Variants in AFF3 observed in about 807,000 individuals in gnomAD.
AFF3 encodes AF4/FMR2 family member 3.
In AFF3, 32 loss-of-function variants were observed where a neutral mutation model predicts 129.7. The ratio of observed to expected loss-of-function variants is 0.25; its 90% confidence interval spans 0.19 to 0.33. AFF3 has a LOEUF of 0.33. AFF3 is among the 10% of genes least tolerant of loss of function. The pLI is 1.00. For synonymous variants in AFF3, 644 were observed against 635.4 expected (o/e 1.01, Z -0.20); for missense variants, 1,373 against 1,592.0 (o/e 0.86, Z 2.34).
At chr2:99,731,988 G>A (rs1002774229) in intron 10 of AFF3, among the ~76,000 whole-genome samples, 1 of 152,094 alleles carries the variant, frequency 6.6e-6, no homozygotes, top group African/African-American at 2.4e-5. Context: ...CACCTTCCAG[G>A]CCAGGGATGG....
chr2:99,721,421 C>T (rs1304525824), intron 11 of AFF3, among the ~76,000 whole-genome samples: 1 of 151,412 alleles, frequency 6.6e-6, no homozygotes, highest in East Asian at 1.9e-4. Flanking sequence ...CCCAGCTACT[C>T]AGGAAGCTGA....
At chr2:99,569,494 T>G (rs114983210) in intron 18 of AFF3, among the ~76,000 whole-genome samples, 234 of 152,342 alleles carry the variant, frequency 1.5e-3, no homozygotes, top group African/African-American at 5.5e-3. Flanking sequence ...ATGTCTACCT[T>G]GTAACAATGC....
intron 2 of AFF3, among the ~76,000 whole-genome samples, chr2:100,123,877 AAAG>A (rs1321131727): frequency 1.3e-5 from 2 of 152,206 alleles, no homozygotes; most frequent in African/African-American, 4.8e-5. Context: ...TGGCAGCATG[AAAG>A]AAGAAGAAAC....
intron 15 of AFF3, among the ~76,000 whole-genome samples, chr2:99,592,798 T>G (rs1477720710): frequency 6.6e-6 from 1 of 152,064 alleles, no homozygotes; most frequent in Non-Finnish European, 1.5e-5. Flanking sequence ...TAGCTGGGCA[T>G]GGTGGTGGAC....
chr2:100,105,724 T>A (rs1386097410), intron 2 of AFF3, 141 bp from the exon 3 acceptor site: 2 of 1,362,234 alleles, frequency 1.5e-6, no homozygotes, highest in Non-Finnish European at 2.0e-6. Flanking sequence ...TACCTCTGCT[T>A]CTCCACAGTT....
At chr2:99,913,235 G>A (rs1372344906) in intron 7 of AFF3, among the ~76,000 whole-genome samples, 1 of 152,182 alleles carries the variant, frequency 6.6e-6, no homozygotes, top group Non-Finnish European at 1.5e-5. Flanking sequence ...CTAGATAGCA[G>A]CCTTGATTTT....
intron 4 of AFF3, among the ~76,000 whole-genome samples, chr2:100,072,562 C>A (rs1222237940): frequency 6.6e-6 from 1 of 152,152 alleles, no homozygotes; most frequent in African/African-American, 2.4e-5. Flanking sequence ...CGGGCTATAC[C>A]ATGAGCTAGC....
intron 7 of AFF3, among the ~76,000 whole-genome samples, chr2:99,914,827 G>A (rs1050424849): frequency 4.6e-5 from 7 of 152,072 alleles, no homozygotes; most frequent in Non-Finnish European, 8.8e-5. Context: ...GGCTGAGGCA[G>A]GAGAATCGCT....
At chr2:99,903,182 T>C (rs938112051) in intron 7 of AFF3, among the ~76,000 whole-genome samples, 2 of 152,212 alleles carry the variant, frequency 1.3e-5, no homozygotes, top group Non-Finnish European at 2.9e-5. Flanking sequence ...TACCACGTTG[T>C]GTGCCATTTA....
intron 7 of AFF3, among the ~76,000 whole-genome samples, chr2:99,897,618 G>A (rs1176530407): frequency 1.3e-5 from 2 of 152,156 alleles, no homozygotes; most frequent in Non-Finnish European, 2.9e-5. Context: ...CAAGGCCTCT[G>A]CTGAGGATTT....
intron 11 of AFF3, among the ~76,000 whole-genome samples, chr2:99,716,653 T>C (rs889282572): frequency 1.3e-5 from 2 of 151,682 alleles, no homozygotes; most frequent in East Asian, 1.9e-4. Flanking sequence ...GAGGCCAAGG[T>C]GGGCGGATCA....
intron 7 of AFF3, among the ~76,000 whole-genome samples, chr2:99,897,579 T>C (rs138038581): frequency 1.3e-5 from 2 of 152,260 alleles, no homozygotes; most frequent in Non-Finnish European, 2.9e-5. Context: ...AGACCACCTT[T>C]TCAAAACCCG....
intron 19 of AFF3, among the ~76,000 whole-genome samples, chr2:99,566,446 G>T (rs915147061): frequency 6.6e-6 from 1 of 152,196 alleles, no homozygotes; most frequent in Non-Finnish European, 1.5e-5. Flanking sequence ...GTTTTGGGAA[G>T]GTGAGGCAGG....
At chr2:99,983,037 G>A (rs1679551821) in intron 7 of AFF3, among the ~76,000 whole-genome samples, 1 of 152,194 alleles carries the variant, frequency 6.6e-6, no homozygotes. Flanking sequence ...TCCATACATA[G>A]TTTAATAAAG....
chr2:99,589,873 A>G (rs1678496990), intron 15 of AFF3, among the ~76,000 whole-genome samples: 1 of 152,206 alleles, frequency 6.6e-6, no homozygotes, highest in African/African-American at 2.4e-5. Flanking sequence ...AAAGCCCTCA[A>G]ATAGAAAACA....
At chr2:99,554,078 G>T (rs1377344819) in intron 24 of AFF3, among the ~76,000 whole-genome samples, 1 of 152,152 alleles carries the variant, frequency 6.6e-6, no homozygotes, top group Admixed American at 6.5e-5. Context: ...AATGGTTTGA[G>T]AAATCAGGAT....
chr2:99,603,476 C>G (rs984709265), intron 13 of AFF3, among the ~76,000 whole-genome samples: 1 of 152,106 alleles, frequency 6.6e-6, no homozygotes, highest in Non-Finnish European at 1.5e-5. Flanking sequence ...ATACAAAAAT[C>G]GACTCAAGAT....
intron 7 of AFF3, among the ~76,000 whole-genome samples, chr2:99,961,471 G>C (rs1442920042): frequency 6.6e-6 from 1 of 152,098 alleles, no homozygotes; most frequent in Non-Finnish European, 1.5e-5. Context: ...TTTCACTTTT[G>C]CCATTTTCCT....
rs373595459 is a variant in AFF3 at position 99,568,910 on chromosome 2, C to A, written c.2924G>T (p.Arg975Leu). 2.5e-6 allele frequency: 4 copies of A among 1,613,836 alleles called. No individual in the cohort carries two copies. The highest frequency in any genetic ancestry group is 2.7e-5 in the African/African-American group (2 of 74,912). ...RQKLVFDDMP[R>L]SADYFMQEAK... Reference sequence around the variant, plus strand: ...TTCTTGCATAAAATAATCGGCACTGCGAGGCCTACAAGGAGAGAATGATAT... The same window carrying A: ...TTCTTGCATAAAATAATCGGCACTGAGAGGCCTACAAGGAGAGAATGATAT... The change falls in exon 19 of 25, where the codon CGC becomes CTC. Residue 975 changes from arginine (R) to leucine (L), a missense_variant. Arg to Leu is a moderately radical substitution (Grantham distance 102, BLOSUM62 -2). Transcript: ENST00000672756.
Sources: gnomAD v4.1 joint callset for allele counts (sites outside exome capture counted in the v4.1 genomes callset) on GRCh38, gnomAD v4.1.1 for gene constraint, MANE v1.5 for transcripts, NCBI Gene and HGNC (gene_info 2026-07-23, HGNC 2026-07-21) for gene names.